Variants in ESR1 observed in about 807,000 individuals in gnomAD.
The protein encoded by ESR1 is estrogen receptor.
Under a neutral mutation model 52.7 loss-of-function variants are expected in ESR1, and 12 were observed. The observed-to-expected ratio is 0.23, with a 90% CI of 0.15 to 0.37. The LOEUF is 0.37. Among genes scored for constraint, ESR1 ranks in the 10% least tolerant of loss-of-function variants. The pLI, the probability that ESR1 is intolerant of heterozygous loss-of-function variation, is 1.00. For missense variants in ESR1, 584 were observed against 779.7 expected (o/e 0.75, Z 2.99); for synonymous variants, 305 against 316.8 (o/e 0.96, Z 0.39).
intron 2 of ESR1, among the ~76,000 whole-genome samples, chr6:151,780,469 A>T (rs557961477): frequency 6.6e-6 from 1 of 152,318 alleles, no homozygotes; most frequent in East Asian, 1.9e-4. Context: ...TTGACAGCAC[A>T]AAAGAATTAC....
At chr6:151,801,918 A>G (rs144603680), upstream of ESR1, among the ~76,000 whole-genome samples, 67 of 152,320 alleles carry the variant, frequency 4.4e-4, no homozygotes, top group East Asian at 0.013. Flanking sequence ...GTAAGAGATC[A>G]TGGTCCATAG....
intron 2 of ESR1, among the ~76,000 whole-genome samples, chr6:151,843,358 C>G (rs993753774): frequency 6.6e-5 from 10 of 152,144 alleles, no homozygotes; most frequent in African/African-American, 2.4e-4. Flanking sequence ...TCATCTTTAT[C>G]AAACAGTTAT....
At chr6:151,698,859 A>G (rs752123241) in intron 1 of ESR1, among the ~76,000 whole-genome samples, 10 of 152,222 alleles carry the variant, frequency 6.6e-5, no homozygotes, top group Non-Finnish European at 1.5e-4. Context: ...AACATTCAAC[A>G]GGAAGAACAC....
intron 2 of ESR1, among the ~76,000 whole-genome samples, chr6:151,855,041 G>A (rs1787560611): frequency 6.6e-6 from 1 of 152,184 alleles, no homozygotes; most frequent in African/African-American, 2.4e-5. Flanking sequence ...AGCCTCCAGA[G>A]TAGCTGGGAC....
At chr6:151,786,019 C>T (rs528772688) in intron 2 of ESR1, among the ~76,000 whole-genome samples, 1 of 152,274 alleles carries the variant, frequency 6.6e-6, no homozygotes, top group African/African-American at 2.4e-5. Flanking sequence ...GCTTGGTAAG[C>T]GTCACCATTC....
chr6:151,800,180 TAA>T (rs1038016835), upstream of ESR1, among the ~76,000 whole-genome samples: 16 of 152,054 alleles, frequency 1.1e-4, no homozygotes, highest in Non-Finnish European at 1.5e-5. Context: ...TATATGAAAG[TAA>T]AAACACAAGG....
intron 5 of ESR1, among the ~76,000 whole-genome samples, chr6:152,031,880 A>G (rs1320266511): frequency 1.3e-5 from 2 of 152,340 alleles, no homozygotes; most frequent in Admixed American, 6.5e-5. Flanking sequence ...ACATCGATGC[A>G]AAAATCCTGA....
chr6:152,061,016 A>G lies in ESR1; in HGVS notation c.1261A>G (p.Met421Val). 1 of 1,612,182 alleles carries G rather than the reference A, an allele frequency of 6.2e-7. No homozygotes were observed. The highest frequency in any genetic ancestry group is 8.5e-7 in the Non-Finnish European group (1 of 1,178,822). ...GAACCAGGGAAAATGTGTAGAGGGC[A>G]TGGTGGAGATCTTCGACATGCTGCT... ...DRNQGKCVEG[M>V]VEIFDMLLAT... is the part of the protein sequence containing the mutation. The change falls in exon 6 of 8, where the codon ATG becomes GTG. Residue 421 changes from methionine to valine, a missense_variant. Coordinates refer to ENST00000206249, the MANE Select transcript of ESR1 (RefSeq NM_000125.4). This position sits in a 1 kb window ranked among gnomAD's most constrained non-coding sequence, Gnocchi z 4.3.
At position 151,944,282 on chromosome 6, in the gene ESR1, C is replaced by A. The variant is rs1446673857; in HGVS notation, c.870C>A (p.Asn290Lys). The A allele has an allele frequency of 4.3e-6, 7 of 1,614,048 alleles. No homozygotes were observed. The highest frequency in any genetic ancestry group is 5.9e-6 in the Non-Finnish European group (7 of 1,180,032). ...CTGCTGGAGACATGAGAGCTGCCAA[C>A]CTTTGGCCAAGCCCGCTCATGATCA... ...VGSAGDMRAANLWPSPLMIKR... is the reference protein window; with the variant it reads ...VGSAGDMRAAKLWPSPLMIKR... Residue 290 changes from asparagine to lysine, a missense_variant, in exon 4 of 8, where the codon AAC (asparagine) becomes AAA (lysine). Asn to Lys is a moderately conservative substitution (Grantham distance 94). Transcript: ENST00000206249.
At chr6:152,036,319 C>T (rs2045303796) in intron 5 of ESR1, among the ~76,000 whole-genome samples, 1 of 152,120 alleles carries the variant, frequency 6.6e-6, no homozygotes, top group Admixed American at 6.5e-5. Context: ...GAAATCGTGC[C>T]ACTGCACTCC....
intron 6 of ESR1, among the ~76,000 whole-genome samples, chr6:152,112,598 C>A (rs1045148753): frequency 6.6e-6 from 1 of 152,202 alleles, no homozygotes; most frequent in South Asian, 2.1e-4. Context: ...TGTCACCATC[C>A]TGGTGCCACA....
intron 6 of ESR1, among the ~76,000 whole-genome samples, chr6:152,115,739 T>A (rs2051202402): frequency 6.6e-6 from 1 of 152,190 alleles, no homozygotes. Flanking sequence ...AAAACAGACT[T>A]CACAGAAGAG....
chr6:151,866,848 T>C (rs1790003100), intron 2 of ESR1, among the ~76,000 whole-genome samples: 2 of 152,088 alleles, frequency 1.3e-5, no homozygotes, highest in Admixed American at 6.6e-5. Context: ...TACCCAGTAA[T>C]GGGATGGCTG....
chr6:151,828,580 A>C (rs995792086), intron 1 of ESR1, among the ~76,000 whole-genome samples: 3 of 152,218 alleles, frequency 2.0e-5, no homozygotes, highest in African/African-American at 7.2e-5. Flanking sequence ...AGGGGAGTGA[A>C]GGAACAGAAG....
At chr6:151,862,144 T>A (rs570492128) in intron 2 of ESR1, among the ~76,000 whole-genome samples, 1 of 152,156 alleles carries the variant, frequency 6.6e-6, no homozygotes, top group Non-Finnish European at 1.5e-5. Context: ...TAATCCTCCA[T>A]AAAATTTGAA....
chr6:151,944,249 A>G lies in ESR1; in HGVS notation c.837A>G (p.Glu279=), dbSNP rs1358056612. 6.2e-7 allele frequency: 1 copy of G among 1,614,152 alleles called. No homozygotes were observed. The highest frequency in any genetic ancestry group is 8.5e-7 in the Non-Finnish European group (1 of 1,180,018). The change falls in exon 4 of 8, where the codon GAA becomes GAG. Residue 279 remains glutamate (E), a synonymous_variant. Coordinates refer to ENST00000206249, the MANE Select transcript of ESR1 (RefSeq NM_000125.4). ...RQRDDGEGRG[E]VGSAGDMRAA... is the part of the protein sequence containing the mutation. ...GAGATGATGGGGAGGGCAGGGGTGA[A>G]GTGGGGTCTGCTGGAGACATGAGAG...
intron 6 of ESR1, among the ~76,000 whole-genome samples, chr6:152,079,631 G>A (rs2049031157): frequency 6.6e-6 from 1 of 152,162 alleles, no homozygotes. Context: ...AAACAGGATG[G>A]AGAATGAGTT....
chr6:151,993,220 C>T (rs932308024), intron 4 of ESR1, among the ~76,000 whole-genome samples: 1 of 152,036 alleles, frequency 6.6e-6, no homozygotes, highest in Non-Finnish European at 1.5e-5. Flanking sequence ...TGGGCAACTG[C>T]CAATCTATAA....
chr6:151,859,708 AG>A (rs1379559873), intron 2 of ESR1, among the ~76,000 whole-genome samples: 1 of 152,232 alleles, frequency 6.6e-6, no homozygotes, highest in Non-Finnish European at 1.5e-5. Context: ...ATATTAGAGA[AG>A]GACTCTGCTT....
Sources: allele counts gnomAD v4.1 joint callset (sites outside exome capture counted in the v4.1 genomes callset), GRCh38; gene constraint gnomAD v4.1.1; non-coding constraint Gnocchi (gnomAD v3.1); transcripts MANE v1.5; gene names NCBI Gene and HGNC (gene_info 2026-07-23, HGNC 2026-07-21).